RCL1: variants seen among roughly 807,000 people sequenced by gnomAD.
RCL1 encodes RNA terminal phosphate cyclase like 1, also known as RNA 3'-terminal phosphate cyclase-like protein.
RCL1 carries 24 observed loss-of-function variants against 42.4 expected under a neutral mutation model. That is an observed-to-expected ratio of 0.57 (90% CI 0.41 to 0.80). The LOEUF is 0.80. Ranked by LOEUF, RCL1 falls within the 30% of genes least tolerant of loss-of-function variation. RCL1 has a pLI of 0.00. For synonymous variants in RCL1, 228 were observed against 177.3 expected (o/e 1.29, Z -2.27); for missense variants, 578 against 467.9 (o/e 1.24, Z -2.17).
chr9:4,859,789 C>A (rs898515351), intron 8 of RCL1, among the ~76,000 whole-genome samples: 1 of 152,096 alleles, frequency 6.6e-6, no homozygotes, highest in African/African-American at 2.4e-5. Context: ...CATAGTGAGA[C>A]CCCATCTCTT....
At chr9:4,812,740 T>G (rs78343513) in intron 1 of RCL1, among the ~76,000 whole-genome samples, 1 of 151,174 alleles carries the variant, frequency 6.6e-6, no homozygotes, top group Non-Finnish European at 1.5e-5. Context: ...TGTGTTTCCA[T>G]TTTTTTTGTG....
intron 6 of RCL1, among the ~76,000 whole-genome samples, chr9:4,842,322 A>C (rs1817359805): frequency 6.6e-6 from 1 of 152,140 alleles, no homozygotes; most frequent in East Asian, 1.9e-4. Flanking sequence ...GGTTTCTTTT[A>C]ATTTCAGCAA....
chr9:4,831,397 T>A (rs1029244319), intron 3 of RCL1, among the ~76,000 whole-genome samples: 2 of 151,292 alleles, frequency 1.3e-5, no homozygotes, highest in Admixed American at 1.3e-4. Context: ...CTTGGCCTTC[T>A]CCCCAGCTGC....
rs774560603 is a variant in RCL1, at chr9:4,793,175, C to T, written c.84C>T (p.Arg28=). The change falls in exon 1 of 9, where the codon CGC becomes CGT. Residue 28 remains arginine, a synonymous_variant. Transcript: ENST00000381750. ...QRLVLSTLSG[R]PVKIRKIRAR... ...TGGTCCTGTCTACCCTGAGCGGGCG[C>T]CCCGTCAAAATCCGAAAGATTCGGG... 6.2e-6 allele frequency: 10 copies of T among 1,611,150 alleles called. No homozygotes were observed. The East Asian group carries it at 1.1e-4, about 18-fold the overall frequency.
intron 4 of RCL1, 68 bp from the exon 5 acceptor site, chr9:4,834,073 G>C: frequency 1.3e-6 from 2 of 1,551,064 alleles, no homozygotes; most frequent in Admixed American, 1.8e-5. Context: ...AAACCTTCCT[G>C]GGCAGGGTGT....
intron 1 of RCL1, among the ~76,000 whole-genome samples, chr9:4,801,748 G>A (rs1400583766): frequency 1.4e-5 from 2 of 142,370 alleles, no homozygotes; most frequent in Admixed American, 7.2e-5. Flanking sequence ...CCTATGGAAA[G>A]CCAATTGCCC....
Position 4,833,955 on chromosome 9 carries a change from G to C in RCL1, c.460-186G>C, listed in dbSNP as rs552819646. Among the ~76,000 whole-genome samples, 4 of 152,322 alleles carry C rather than the reference G, an allele frequency of 2.6e-5. No homozygotes were observed. The South Asian group carries it at 8.3e-4, about 32-fold the overall frequency. On this transcript the variant is annotated intron_variant, in intron 4 of 8. Transcript: ENST00000381750. ...GTAATCGACTTGGACTTTGACACAT[G>C]CTGCACAGGTACTCTCTAGGAGCCA...
chr9:4,820,754 A>G (rs1170362044), intron 1 of RCL1, among the ~76,000 whole-genome samples: 1 of 152,190 alleles, frequency 6.6e-6, no homozygotes, highest in Admixed American at 6.5e-5. Context: ...AGAAAGTGGC[A>G]TTGTGGTAGA....
intron 3 of RCL1, among the ~76,000 whole-genome samples, chr9:4,832,945 G>C (rs1816995063): frequency 6.6e-6 from 1 of 152,086 alleles, no homozygotes; most frequent in Non-Finnish European, 1.5e-5. Flanking sequence ...TCATGAATGA[G>C]GAAAGTGCGG....
At chr9:4,810,639 G>A (rs1381239133) in intron 1 of RCL1, among the ~76,000 whole-genome samples, 1 of 132,758 alleles carries the variant, frequency 7.5e-6, no homozygotes, top group Admixed American at 7.6e-5. Context: ...TTCTTGTACA[G>A]TCTTTTGTGC....
chr9:4,859,958 A>G (rs1394113160), intron 8 of RCL1, among the ~76,000 whole-genome samples, 167 bp from the exon 9 acceptor site: 4 of 152,084 alleles, frequency 2.6e-5, no homozygotes, highest in African/African-American at 9.7e-5. Flanking sequence ...TCTTCTTTGG[A>G]AACTGGCTGG....
intron 5 of RCL1, among the ~76,000 whole-genome samples, chr9:4,837,704 G>C (rs766004337): frequency 6.6e-6 from 1 of 152,168 alleles, no homozygotes; most frequent in Non-Finnish European, 1.5e-5. Flanking sequence ...GAACATAAAA[G>C]TTAAAAGAGC....
At chr9:4,854,441 C>T (rs1222943699) in intron 8 of RCL1, among the ~76,000 whole-genome samples, 1 of 152,210 alleles carries the variant, frequency 6.6e-6, no homozygotes, top group African/African-American at 2.4e-5. Flanking sequence ...CATGTCCTTA[C>T]ACCTGAGATG....
rs760417858 is a variant in RCL1 at position 4,793,181 on chromosome 9, C to G, written c.90C>G (p.Val30=). The G allele has an allele frequency of 1.9e-6, 3 of 1,610,628 alleles. No individual in the cohort carries two copies. The African/African-American group carries it at 4.0e-5, about 22-fold the overall frequency. Residue 30 remains valine (V), a synonymous_variant, in exon 1 of 9, where the codon GTC becomes GTG. Transcript: ENST00000381750. The stretch of plus-strand genomic sequence containing the variant: ...TGTCTACCCTGAGCGGGCGCCCCGT[C>G]AAAATCCGAAAGATTCGGGCCAGAG... ...LVLSTLSGRP[V]KIRKIRARDD...
intron 7 of RCL1, among the ~76,000 whole-genome samples, chr9:4,846,075 T>C (rs551914405): frequency 2.0e-4 from 30 of 152,352 alleles, no homozygotes; most frequent in African/African-American, 6.7e-4. Context: ...TGACTAGCCA[T>C]AGGTATTGAT....
chr9:4,832,130 C>A (rs369064), intron 3 of RCL1, among the ~76,000 whole-genome samples: 124,584 of 152,208 alleles, frequency 0.82, 51,556 homozygotes, highest in East Asian at 1. Flanking sequence ...TGCCATCTTT[C>A]TACTCTTATC....
intron 7 of RCL1, 59 bp downstream of exon 7, chr9:4,844,740 C>G: frequency 6.5e-7 from 1 of 1,543,504 alleles, no homozygotes; most frequent in Non-Finnish European, 8.8e-7. Context: ...TTTTCTCATT[C>G]TCATCTCTTG....
chr9:4,806,127 T>C lies in RCL1; in HGVS notation c.136+12900T>C, dbSNP rs546123894. Among the ~76,000 whole-genome samples the C allele has an allele frequency of 5.3e-5, 8 of 152,008 alleles. No individual in the cohort carries two copies. The East Asian group carries it at 1.4e-3, about 26-fold the overall frequency. Reference sequence around the variant, plus strand: ...TGAATTTATTTAGGAGGTTTTTTTTTCCCTTGTCATTTCCTTGGAATTTAT... The same window carrying C: ...TGAATTTATTTAGGAGGTTTTTTTTCCCCTTGTCATTTCCTTGGAATTTAT... On this transcript the variant is annotated intron_variant, in intron 1 of 8. Transcript: ENST00000381750.
intron 1 of RCL1, among the ~76,000 whole-genome samples, chr9:4,819,540 T>A (rs1816511809): frequency 6.6e-6 from 1 of 152,100 alleles, no homozygotes; most frequent in East Asian, 1.9e-4. Context: ...AAACAGAATT[T>A]GCTCACGCCT....
Sources: allele counts gnomAD v4.1 joint callset (sites outside exome capture counted in the v4.1 genomes callset), GRCh38; gene constraint gnomAD v4.1.1; transcripts MANE v1.5; gene names NCBI Gene and HGNC (gene_info 2026-07-23, HGNC 2026-07-21).